SMG6: variants seen among roughly 807,000 people sequenced by gnomAD.
SMG6 encodes the protein telomerase-binding protein EST1A.
SMG6 carries 66 observed loss-of-function variants against 142.2 expected under a neutral mutation model. The observed-to-expected ratio is 0.46, with a 90% CI of 0.38 to 0.57. The LOEUF (loss-of-function observed/expected upper bound fraction) is 0.57. SMG6 is among the 20% of genes least tolerant of loss of function. SMG6 has a pLI of 0.00. For missense variants in SMG6, 1,793 were observed against 1,832.0 expected (o/e 0.98, Z 0.39); for synonymous variants, 779 against 702.4 (o/e 1.11, Z -1.72).
At chr17:2,076,412 T>C (rs1462006161) in intron 15 of SMG6, among the ~76,000 whole-genome samples, 1 of 152,188 alleles carries the variant, frequency 6.6e-6, no homozygotes, top group African/African-American at 2.4e-5. Context: ...AATTTATACC[T>C]TTTCCTTGGA....
chr17:2,242,065 G>T (rs751162632), intron 9 of SMG6, among the ~76,000 whole-genome samples: 2 of 152,098 alleles, frequency 1.3e-5, no homozygotes, highest in Non-Finnish European at 2.9e-5. Flanking sequence ...AGAGTCATCT[G>T]GCTCAAAATG....
rs200557060 is a variant in SMG6, at chr17:2,171,353, A to AAG, written c.3357+1303_3357+1304dup. On this transcript the variant is annotated intron_variant, in intron 13 of 18. Coordinates refer to ENST00000263073, the MANE Select transcript of SMG6 (RefSeq NM_017575.5). ...TAACCTCCAGTTTTATTGAAAATGA[A>AAG]AGAGTGTGTGTGTGTGTGTGTGTGT... Among the ~76,000 whole-genome samples, 27 of 61,310 alleles carry AAG rather than the reference A, an allele frequency of 4.4e-4. No homozygotes were observed. The East Asian group carries it at 7.0e-3, about 16-fold the overall frequency. The allele number at this position is 61,310 out of a possible 152,430, so 40.2% of individuals were successfully genotyped here. A position where few individuals can be genotyped will look rare whatever the true frequency, so the allele number is the denominator to read the frequency against.
chr17:2,303,765 G>A lies in SMG6; in HGVS notation c.-45C>T, dbSNP rs1348205641. On this transcript the variant is annotated 5_prime_UTR_variant, in exon 1 of 19. Coordinates refer to ENST00000263073, the MANE Select transcript of SMG6 (RefSeq NM_017575.5). Reference sequence around the variant, plus strand: ...GCCGTAGCGGCTCCGCCACCGCCGCGCGCAGCCAGGAAACCACCACAGACG... The same window carrying A: ...GCCGTAGCGGCTCCGCCACCGCCGCACGCAGCCAGGAAACCACCACAGACG... 6 of 1,461,916 alleles carry A rather than the reference G, an allele frequency of 4.1e-6. No homozygotes were observed. Among genetic ancestry groups the A allele is most frequent in the Non-Finnish European group, 5.4e-6 (6 of 1,104,964 alleles). 90.6% of individuals were successfully genotyped at this position (1,461,916 alleles called of 1,614,324 possible). A position where few individuals can be genotyped will look rare whatever the true frequency, so the allele number is the denominator to read the frequency against.
At chr17:2,253,159 T>TTTATTTATTTATTTA (rs1567720216) in intron 8 of SMG6, among the ~76,000 whole-genome samples, 43 of 110,032 alleles carry the variant, frequency 3.9e-4, no homozygotes, top group Admixed American at 1.0e-3. Flanking sequence ...TTATTTATTT[T>TTTATTTATTTATTTA]GAGATGGAGT....
intron 9 of SMG6, among the ~76,000 whole-genome samples, chr17:2,242,794 AT>A (rs1306366951): frequency 6.7e-6 from 1 of 149,636 alleles, no homozygotes; most frequent in Non-Finnish European, 1.5e-5. Context: ...CGGATGTGTT[AT>A]TTTTAAGATG....
At chr17:2,206,694 C>T (rs922463200) in intron 10 of SMG6, among the ~76,000 whole-genome samples, 1 of 151,972 alleles carries the variant, frequency 6.6e-6, no homozygotes, top group Non-Finnish European at 1.5e-5. Context: ...CAGAGGCCAG[C>T]CTGACCAACA....
intron 8 of SMG6, among the ~76,000 whole-genome samples, chr17:2,270,164 T>C (rs1317991405): frequency 6.6e-6 from 1 of 152,110 alleles, no homozygotes; most frequent in Non-Finnish European, 1.5e-5. Context: ...ACAATGGATT[T>C]GAGGGCAATT....
intron 16 of SMG6, chr17:2,066,031 G>A: frequency 3.5e-6 from 1 of 285,358 alleles, no homozygotes; most frequent in Non-Finnish European, 6.8e-6. Flanking sequence ...AGAGTCCAGG[G>A]TATGCAGCAG....
rs114248299 is a variant in SMG6, at chr17:2,288,005, A to C, written c.2338-4270T>G. Among the ~76,000 whole-genome samples the C allele has an allele frequency of 9.8e-3, 1,498 of 152,350 alleles. 27 individuals carry two copies. The highest frequency in any genetic ancestry group is 0.034 in the African/African-American group (1,409 of 41,582). On this transcript the variant is annotated intron_variant, in intron 6 of 18. Coordinates refer to ENST00000263073, the MANE Select transcript of SMG6 (RefSeq NM_017575.5). ...AATATGAATGTACGTAATGCTACTG[A>C]AGCTACACTTAAAAATGGGTAAGAC...
intron 8 of SMG6, among the ~76,000 whole-genome samples, chr17:2,258,272 T>C (rs907980125): frequency 5.9e-5 from 9 of 151,818 alleles, no homozygotes; most frequent in Non-Finnish European, 1.0e-4. Flanking sequence ...AAAGGCGACC[T>C]TGGCTGGGTG....
At chr17:2,276,013 T>C (rs1194427203) in intron 8 of SMG6, among the ~76,000 whole-genome samples, 1 of 152,224 alleles carries the variant, frequency 6.6e-6, no homozygotes, top group Non-Finnish European at 1.5e-5. Context: ...AGCCAAACTT[T>C]CTGTTTACTC....
chr17:2,218,286 A>G (rs543316823), intron 10 of SMG6, among the ~76,000 whole-genome samples: 1 of 152,272 alleles, frequency 6.6e-6, no homozygotes, highest in East Asian at 1.9e-4. Context: ...GCGGTGGCTC[A>G]CACCTGTAAT....
chr17:2,241,300 A>G (rs190001373), intron 9 of SMG6, among the ~76,000 whole-genome samples: 2 of 152,266 alleles, frequency 1.3e-5, no homozygotes, highest in Admixed American at 6.5e-5. Context: ...GCCTCCAAAA[A>G]AGAAAACTCT....
chr17:2,136,028 GTGTGTGTGTC>G (rs2070289991), intron 13 of SMG6, among the ~76,000 whole-genome samples: 4 of 149,534 alleles, frequency 2.7e-5, no homozygotes, highest in African/African-American at 9.9e-5. Context: ...GTGTGTGTGT[GTGTGTGTGTC>G]TGTGTGTGTA....
In SMG6 at chr17:2,085,506, A is replaced by G. The variant is rs1459059686; in HGVS notation, c.3534+219T>C. 6.6e-6 allele frequency among the ~76,000 whole-genome samples: 1 copy of G among 152,184 alleles called. No individual in the cohort carries two copies. The highest frequency in any genetic ancestry group is 1.9e-4 in the East Asian group (1 of 5,200). Reference sequence around the variant, plus strand: ...CTCCCTTCTCCTCAATGCAGCATTAAAAGAAGCATCTGGAACTCGTAGTGG... The same window carrying G: ...CTCCCTTCTCCTCAATGCAGCATTAGAAGAAGCATCTGGAACTCGTAGTGG... On this transcript the variant is annotated intron_variant, in intron 14 of 18. Coordinates refer to ENST00000263073, the MANE Select transcript of SMG6 (RefSeq NM_017575.5). This position sits in a 1 kb window ranked among gnomAD's most constrained non-coding sequence, Gnocchi z 4.1.
At chr17:2,135,545 G>C (rs957226410) in intron 13 of SMG6, among the ~76,000 whole-genome samples, 3 of 152,070 alleles carry the variant, frequency 2.0e-5, no homozygotes, top group Non-Finnish European at 4.4e-5. Flanking sequence ...CTGTCTAAGA[G>C]AACCTTATGG....
chr17:2,246,348 C>A (rs2073927278), intron 8 of SMG6, among the ~76,000 whole-genome samples: 1 of 152,184 alleles, frequency 6.6e-6, no homozygotes, highest in Admixed American at 6.5e-5. Flanking sequence ...GGCAAGGAGT[C>A]CAGTATCGCT....
intron 10 of SMG6, among the ~76,000 whole-genome samples, chr17:2,194,981 C>T (rs946471816): frequency 7.9e-5 from 12 of 152,212 alleles, no homozygotes; most frequent in Non-Finnish European, 1.6e-4. Context: ...GGGCCAAGTC[C>T]TGTCTTTCCA....
intron 9 of SMG6, chr17:2,237,601 A>G: frequency 1.0e-6 from 1 of 981,526 alleles, no homozygotes; most frequent in Non-Finnish European, 1.2e-6. Flanking sequence ...CAGTGGAAAT[A>G]GAATGCCCTG....
Sources: gnomAD v4.1 joint callset for allele counts (sites outside exome capture counted in the v4.1 genomes callset) on GRCh38, gnomAD v4.1.1 for gene constraint, Gnocchi (gnomAD v3.1) non-coding constraint, MANE v1.5 for transcripts, NCBI Gene and HGNC (gene_info 2026-07-23, HGNC 2026-07-21) for gene names.